The following TSHZ2 variants were observed in gnomAD, a reference collection of about 807,000 sequenced individuals.
TSHZ2 encodes the protein teashirt homolog 2.
TSHZ2 carries 21 observed loss-of-function variants against 74.4 expected under a neutral mutation model. That is an observed-to-expected ratio of 0.28 (90% CI 0.20 to 0.41). TSHZ2 has a LOEUF of 0.41. TSHZ2 is among the 10% of genes least tolerant of loss of function. The pLI, the probability that TSHZ2 is intolerant of heterozygous loss-of-function variation, is 1.00. For missense variants in TSHZ2, 1,244 were observed against 1,293.5 expected, an observed-to-expected ratio of 0.96 and a Z score of 0.59; for synonymous variants, 540 against 515.3, an observed-to-expected ratio of 1.05 and a Z score of -0.65.
At chr20:53,482,165 G>A (rs924364373) in intron 2 of TSHZ2, among the ~76,000 whole-genome samples, 4 of 136,698 alleles carry the variant, frequency 2.9e-5, no homozygotes, top group Middle Eastern at 4.4e-3. Flanking sequence ...TTGGGAAAAC[G>A]CCTCTAAATC....
chr20:52,972,941 G>C lies in TSHZ2; in HGVS notation c.-353G>C, dbSNP rs1246676039. 6.8e-6 allele frequency: 2 copies of C among 293,340 alleles called. No homozygotes were observed. The highest frequency in any genetic ancestry group is 1.2e-5 in the Non-Finnish European group (2 of 166,322). The allele number at this position is 293,340 out of a possible 1,614,324, so 18.2% of individuals were successfully genotyped here. On this transcript the variant is annotated 5_prime_UTR_variant, in exon 1 of 3. Coordinates refer to ENST00000371497, the MANE Select transcript of TSHZ2 (RefSeq NM_173485.6). The stretch of plus-strand genomic sequence containing the variant: ...AATAAAGAAATCAAGTGTCTCAACA[G>C]TCACCAAAAAAAAAAAAAACCGCAA...
Position 53,414,229 on chromosome 20 carries a change from C to G in TSHZ2, c.*9-72915C>G, listed in dbSNP as rs1983155212. On this transcript the variant is annotated intron_variant, in intron 2 of 2. Transcript: ENST00000371497. Reference sequence around the variant, plus strand: ...CATTTCTGGAAAGATCAGAAATGAGCCCTCGGGTTACAGGGGTACTTTATA... The same window carrying G: ...CATTTCTGGAAAGATCAGAAATGAGGCCTCGGGTTACAGGGGTACTTTATA... Among the ~76,000 whole-genome samples, 5 of 152,224 alleles carry G rather than the reference C, an allele frequency of 3.3e-5. No homozygotes were observed. In the South Asian group the frequency reaches 1.0e-3, roughly 32 times the overall value.
chr20:53,396,642 T>G lies in TSHZ2; in HGVS notation c.*9-90502T>G, dbSNP rs183496863. Among the ~76,000 whole-genome samples the G allele has an allele frequency of 9.3e-4, 140 of 150,292 alleles. 1 individual carries two copies. The highest frequency in any genetic ancestry group is 3.1e-3 in the African/African-American group (126 of 40,840). On this transcript the variant is annotated intron_variant, in intron 2 of 2. Transcript: ENST00000371497. Reference sequence around the variant, plus strand: ...CAGGTGGATCACTTGAGCTCAGGAGTTCAAGACCAGCCTGGGCAACATGGC... The same window carrying G: ...CAGGTGGATCACTTGAGCTCAGGAGGTCAAGACCAGCCTGGGCAACATGGC...
chr20:53,050,700 A>C (rs1171864666), intron 1 of TSHZ2, among the ~76,000 whole-genome samples: 1 of 152,220 alleles, frequency 6.6e-6, no homozygotes, highest in African/African-American at 2.4e-5. Context: ...CAACTGAATA[A>C]AGAGCTGAAG....
chr20:52,989,596 A>G (rs1197180845), intron 1 of TSHZ2, among the ~76,000 whole-genome samples: 1 of 152,220 alleles, frequency 6.6e-6, no homozygotes, highest in Non-Finnish European at 1.5e-5. Flanking sequence ...ACTTCCATGC[A>G]CTATTATGAG....
At chr20:53,021,536 T>C (rs938730575) in intron 1 of TSHZ2, among the ~76,000 whole-genome samples, 4 of 152,202 alleles carry the variant, frequency 2.6e-5, no homozygotes, top group Admixed American at 6.5e-5. Context: ...TGGAACCAAA[T>C]TTCTCTGTCT....
intron 2 of TSHZ2, among the ~76,000 whole-genome samples, chr20:53,262,475 A>G (rs1290400604): frequency 6.6e-6 from 1 of 152,250 alleles, no homozygotes; most frequent in South Asian, 2.1e-4. Flanking sequence ...CATAGACTGC[A>G]CACCTCGGTG....
Position 53,463,668 on chromosome 20 carries a change from A to G in TSHZ2, c.*9-23476A>G, listed in dbSNP as rs535748294. ...AGAATCCCCTGAGGAACTTTTAAAA[A>G]CCCCGGGCCCAAGTCATACCCTGGA... On this transcript the variant is annotated intron_variant, in intron 2 of 2. Coordinates refer to ENST00000371497, the MANE Select transcript of TSHZ2 (RefSeq NM_173485.6). Among the ~76,000 whole-genome samples the G allele has an allele frequency of 6.0e-4, 91 of 151,952 alleles. 1 individual carries two copies. The highest frequency in any genetic ancestry group is 2.0e-3 in the African/African-American group (84 of 41,412).
At chr20:53,160,271 A>C (rs1600717669) in intron 1 of TSHZ2, among the ~76,000 whole-genome samples, 1 of 152,278 alleles carries the variant, frequency 6.6e-6, no homozygotes, top group East Asian at 1.9e-4. Context: ...GAAAGGGCTA[A>C]AGGGGGTGGT....
Position 53,302,002 on chromosome 20 carries a change from G to A in TSHZ2, c.*8+45431G>A, listed in dbSNP as rs114127606. On this transcript the variant is annotated intron_variant, in intron 2 of 2. Coordinates refer to ENST00000371497, the MANE Select transcript of TSHZ2 (RefSeq NM_173485.6). ...CACTAGTTGAATACCCAGGGAGGCC[G>A]CGGGGAGTGGTTACCATAGCGATTT... 4.3e-3 allele frequency among the ~76,000 whole-genome samples: 648 copies of A among 152,338 alleles called. 4 individuals are homozygous for A. The highest frequency in any genetic ancestry group is 0.024 in the Middle Eastern group (7 of 294).
At position 53,368,067 on chromosome 20, in the gene TSHZ2, G is replaced by A. The variant is rs116327075; in HGVS notation, c.*8+111496G>A. ...GGACTCATGAAATTGTTTTCCTCCC[G>A]CGCTGGGACAAAGACCCATGACAGC... On this transcript the variant is annotated intron_variant, in intron 2 of 2. Coordinates refer to ENST00000371497, the MANE Select transcript of TSHZ2 (RefSeq NM_173485.6). 4.3e-3 allele frequency among the ~76,000 whole-genome samples: 652 copies of A among 151,968 alleles called. 8 individuals are homozygous for A. The highest frequency in any genetic ancestry group is 0.015 in the African/African-American group (625 of 41,410).
chr20:53,472,711 G>C (rs1257908509), intron 2 of TSHZ2, among the ~76,000 whole-genome samples: 5 of 151,930 alleles, frequency 3.3e-5, no homozygotes, highest in Non-Finnish European at 5.9e-5. Flanking sequence ...GAGCGACGCA[G>C]AAGACGGTGA....
intron 1 of TSHZ2, chr20:53,196,129 T>C (rs1282853353): frequency 1.3e-5 from 2 of 152,124 alleles, no homozygotes; most frequent in Non-Finnish European, 2.9e-5. Context: ...GTCTTCTGTT[T>C]ATGCCACATG....
chr20:53,448,667 T>C (rs867921023), intron 2 of TSHZ2, among the ~76,000 whole-genome samples: 41 of 152,332 alleles, frequency 2.7e-4, no homozygotes, highest in Middle Eastern at 3.4e-3. Context: ...GTCTGACAGC[T>C]TCTGTTAAGT....
chr20:53,389,726 C>A (rs184615500), intron 2 of TSHZ2, among the ~76,000 whole-genome samples: 20 of 152,282 alleles, frequency 1.3e-4, no homozygotes, highest in East Asian at 1.2e-3. Flanking sequence ...ACTTGGCCCC[C>A]AGGGGACATT....
chr20:53,152,969 A>G (rs541707567), intron 1 of TSHZ2, among the ~76,000 whole-genome samples: 1 of 152,316 alleles, frequency 6.6e-6, no homozygotes, highest in African/African-American at 2.4e-5. Context: ...TTCAAAGCTG[A>G]CAGAGGAATG....
chr20:53,088,651 T>C (rs1985773534), intron 1 of TSHZ2, among the ~76,000 whole-genome samples: 1 of 152,212 alleles, frequency 6.6e-6, no homozygotes, highest in South Asian at 2.1e-4. Context: ...ATTTGATGGC[T>C]TTCAGAAACC....
At chr20:53,086,493 G>A (rs998376102) in intron 1 of TSHZ2, among the ~76,000 whole-genome samples, 1 of 152,070 alleles carries the variant, frequency 6.6e-6, no homozygotes, top group African/African-American at 2.4e-5. Context: ...GGAAGGGAAG[G>A]TATGGCTTGA....
At chr20:53,320,273 A>G (rs1979203609) in intron 2 of TSHZ2, among the ~76,000 whole-genome samples, 1 of 152,196 alleles carries the variant, frequency 6.6e-6, no homozygotes, top group African/African-American at 2.4e-5. Context: ...AAACTGAGGC[A>G]TAGGGAGGTT....
Sources: gnomAD v4.1 joint callset for allele counts (sites outside exome capture counted in the v4.1 genomes callset) on GRCh38, gnomAD v4.1.1 for gene constraint, MANE v1.5 for transcripts, NCBI Gene and HGNC (gene_info 2026-07-23, HGNC 2026-07-21) for gene names.